TTC39C: variants seen among roughly 807,000 people sequenced by gnomAD.
The protein encoded by TTC39C is tetratricopeptide repeat protein 39C.
In TTC39C, 33 loss-of-function variants were observed where a neutral mutation model predicts 76.3. That is an observed-to-expected ratio of 0.43 (90% CI 0.33 to 0.58). The LOEUF is 0.58. Ranked by LOEUF, TTC39C falls within the 20% of genes least tolerant of loss-of-function variation. The pLI, the probability that TTC39C is intolerant of heterozygous loss-of-function variation, is 0.04. For missense variants in TTC39C, 595 were observed against 701.4 expected, an observed-to-expected ratio of 0.85 and a Z score of 1.71; for synonymous variants, 254 against 260.6, an observed-to-expected ratio of 0.97 and a Z score of 0.24.
chr18:24,054,281 C>A (rs957118102), intron 1 of TTC39C, among the ~76,000 whole-genome samples: 1 of 152,100 alleles, frequency 6.6e-6, no homozygotes, highest in African/African-American at 2.4e-5. Context: ...ATTTGGCTGT[C>A]TTGTATTGAA....
At chr18:24,113,557 T>C in intron 6 of TTC39C, 1 of 702,020 alleles carries the variant, frequency 1.4e-6, no homozygotes, top group South Asian at 1.5e-5. Context: ...TCCCTGCAAG[T>C]GTAGGGCAGT....
rs113703944 is a variant in TTC39C at position 23,994,896 on chromosome 18, C to CT, written c.-17+1866dup. 6.7e-3 allele frequency among the ~76,000 whole-genome samples: 1,015 copies of CT among 151,438 alleles called. 13 individuals carry two copies. Among genetic ancestry groups the CT allele is most frequent in the African/African-American group, 0.022 (917 of 41,174 alleles). ...GTGGCCTGGACATCAGGATCTTTTCCTTTTTTTTAAAAAAAAATAATAATA... is the reference window on the plus strand; with the variant it reads ...GTGGCCTGGACATCAGGATCTTTTCCTTTTTTTTTAAAAAAAAATAATAATA... On this transcript the variant is annotated intron_variant, in intron 1 of 13. Transcript: ENST00000304621.
intron 1 of TTC39C, chr18:24,019,892 C>T (rs967995051): frequency 6.0e-5 from 91 of 1,526,356 alleles, no homozygotes; most frequent in Non-Finnish European, 7.2e-5. Flanking sequence ...AAAACCTCAG[C>T]GCTTCCTGGA....
chr18:24,105,490 G>GCA (rs373972712), intron 6 of TTC39C, among the ~76,000 whole-genome samples: 9 of 151,866 alleles, frequency 5.9e-5, no homozygotes, highest in Non-Finnish European at 1.0e-4. Context: ...ATACATATGT[G>GCA]CACACACACA....
chr18:24,060,864 G>A (rs2084090433), intron 1 of TTC39C, among the ~76,000 whole-genome samples: 2 of 152,076 alleles, frequency 1.3e-5, no homozygotes, highest in South Asian at 4.2e-4. Flanking sequence ...ACATTTTGGG[G>A]TCAGTTTTTA....
chr18:24,029,344 C>T lies in TTC39C; in HGVS notation c.167+14306C>T, dbSNP rs371078130. ...TCTCGAACTCCTGACCTAGGTAATC[C>T]ACCCACCTTGGCTTCTTAAAGTGCT... is the stretch of plus-strand genomic sequence containing the variant. On this transcript the variant is annotated intron_variant, in intron 1 of 13. Transcript: ENST00000317571. Among the ~76,000 whole-genome samples the T allele has an allele frequency of 5.1e-4, 77 of 152,300 alleles. 2 individuals are homozygous for T. In the South Asian group the frequency reaches 0.016, roughly 31 times the overall value.
At chr18:24,002,446 A>T (rs1179381473) in intron 1 of TTC39C, among the ~76,000 whole-genome samples, 3 of 152,240 alleles carry the variant, frequency 2.0e-5, no homozygotes. Flanking sequence ...ATTGACCAGC[A>T]GCCATTTAAT....
chr18:24,003,331 G>A (rs553806768), intron 1 of TTC39C, among the ~76,000 whole-genome samples: 21 of 152,254 alleles, frequency 1.4e-4, no homozygotes, highest in Middle Eastern at 3.4e-3. Context: ...AGCACACAGC[G>A]TATAACTCTA....
At chr18:24,082,879 A>T in intron 5 of TTC39C, 34 bp from the exon 6 acceptor site, 1 of 1,544,754 alleles carries the variant, frequency 6.5e-7, no homozygotes, top group South Asian at 1.2e-5. Flanking sequence ...AAGGAAAGTT[A>T]ATGTGCTCAA....
chr18:24,055,647 A>G (rs995377243), intron 1 of TTC39C, among the ~76,000 whole-genome samples: 1 of 152,156 alleles, frequency 6.6e-6, no homozygotes, highest in African/African-American at 2.4e-5. Context: ...CCCTTATCAG[A>G]TATATGATTT....
intron 1 of TTC39C, among the ~76,000 whole-genome samples, chr18:24,041,010 T>C (rs974043059): frequency 7.9e-5 from 12 of 152,198 alleles, no homozygotes; most frequent in African/African-American, 2.9e-4. Flanking sequence ...TTGCATTAGC[T>C]ACAGTAGTGA....
intron 1 of TTC39C, among the ~76,000 whole-genome samples, chr18:24,008,480 T>C (rs904465609): frequency 6.6e-6 from 1 of 152,212 alleles, no homozygotes; most frequent in African/African-American, 2.4e-5. Context: ...GGATTTTTAG[T>C]AGGAAACAAG....
chr18:24,117,235 A>C (rs1051475205), intron 7 of TTC39C, among the ~76,000 whole-genome samples: 1 of 152,172 alleles, frequency 6.6e-6, no homozygotes, highest in African/African-American at 2.4e-5. Context: ...GGCTACTGTG[A>C]TGAAAAGTGG....
chr18:24,026,990 G>A (rs1005031708), intron 1 of TTC39C, among the ~76,000 whole-genome samples: 4 of 152,272 alleles, frequency 2.6e-5, no homozygotes, highest in Admixed American at 6.5e-5. Context: ...GCTAAATGAC[G>A]GAGAAACAAT....
chr18:24,071,937 A>C (rs1268666174), intron 4 of TTC39C, among the ~76,000 whole-genome samples: 1 of 152,242 alleles, frequency 6.6e-6, no homozygotes, highest in Non-Finnish European at 1.5e-5. Context: ...TCTCATAGGC[A>C]TGAAAGCCTC....
intron 1 of TTC39C, among the ~76,000 whole-genome samples, chr18:24,025,637 C>A (rs924886091): frequency 6.6e-6 from 1 of 152,152 alleles, no homozygotes; most frequent in African/African-American, 2.4e-5. Flanking sequence ...TCATACATTG[C>A]AGGATGCCTT....
At chr18:24,092,390 C>T (rs2084534185) in intron 6 of TTC39C, among the ~76,000 whole-genome samples, 1 of 152,090 alleles carries the variant, frequency 6.6e-6, no homozygotes, top group African/African-American at 2.4e-5. Flanking sequence ...CTATATGAAA[C>T]AGCAATTTCA....
chr18:24,117,473 G>A (rs2084908853), intron 7 of TTC39C, among the ~76,000 whole-genome samples: 1 of 152,086 alleles, frequency 6.6e-6, no homozygotes, highest in South Asian at 2.1e-4. Flanking sequence ...AGGCTGAGGT[G>A]GGCAGATCAC....
chr18:24,002,197 G>C (rs905816386), intron 1 of TTC39C, among the ~76,000 whole-genome samples: 2 of 152,080 alleles, frequency 1.3e-5, no homozygotes, highest in Admixed American at 6.6e-5. Context: ...CTATCCTCCA[G>C]TGATTGGCTC....
Sources: gnomAD v4.1 joint callset for allele counts (sites outside exome capture counted in the v4.1 genomes callset) on GRCh38, gnomAD v4.1.1 for gene constraint, MANE v1.5 for transcripts, NCBI Gene and HGNC (gene_info 2026-07-23, HGNC 2026-07-21) for gene names.